WDFY2: variants seen among roughly 807,000 people sequenced by gnomAD.
The protein encoded by WDFY2 is WD repeat and FYVE domain containing 2, also known as WD repeat and FYVE domain-containing protein 2.
In WDFY2, 36 loss-of-function variants were observed where a neutral mutation model predicts 56.4. The observed-to-expected ratio is 0.64, with a 90% CI of 0.49 to 0.84. WDFY2 has a LOEUF of 0.84. Ranked by LOEUF, WDFY2 falls within the 40% of genes least tolerant of loss-of-function variation. The pLI is 0.00. For missense variants in WDFY2, 444 were observed against 512.2 expected (o/e 0.87, Z 1.29); for synonymous variants, 176 against 183.7 (o/e 0.96, Z 0.34).
chr13:51,766,447 G>A lies in WDFY2; in HGVS notation c.*6678G>A, dbSNP rs1478790818. The stretch of plus-strand genomic sequence containing the variant: ...TTTTTCTTTCTTTTTTTAAAGTGAG[G>A]AGATTCTTCAGGGGGTCAGGCTGAG... On this transcript the variant is annotated 3_prime_UTR_variant, in exon 12 of 12. Coordinates refer to ENST00000298125, the MANE Select transcript of WDFY2 (RefSeq NM_052950.4). 1 of 152,138 alleles carries A rather than the reference G, an allele frequency of 6.6e-6. No homozygotes were observed. Among genetic ancestry groups the A allele is most frequent in the Non-Finnish European group, 1.5e-5 (1 of 68,032 alleles). The allele number at this position is 152,138 out of a possible 1,614,324, so 9.4% of individuals were successfully genotyped here.
chr13:51,613,701 A>T (rs1954548331), intron 1 of WDFY2, among the ~76,000 whole-genome samples: 1 of 152,038 alleles, frequency 6.6e-6, no homozygotes, highest in African/African-American at 2.4e-5. Flanking sequence ...TTCGTGGAAA[A>T]GTCTTAGATG....
At chr13:51,722,824 G>A (rs1593450817) in intron 5 of WDFY2, among the ~76,000 whole-genome samples, 1 of 152,144 alleles carries the variant, frequency 6.6e-6, no homozygotes, top group Non-Finnish European at 1.5e-5. Context: ...ATAGAAATGT[G>A]TTCCTTCCCC....
At chr13:51,640,408 C>T (rs1955132975) in intron 1 of WDFY2, among the ~76,000 whole-genome samples, 1 of 152,184 alleles carries the variant, frequency 6.6e-6, no homozygotes. Context: ...CATGCATCTA[C>T]TCCTTCCACC....
At position 51,766,916 on chromosome 13, in the gene WDFY2, C is replaced by T. The variant is rs1326386353; in HGVS notation, c.*7147C>T. ...AGGGGGAGGTTCCAGACCACTCCAC[C>T]TGCTGTCTAGATGCCAGGGAGAGCT... On this transcript the variant is annotated 3_prime_UTR_variant, in exon 12 of 12. Transcript: ENST00000298125. 6.6e-6 allele frequency: 1 copy of T among 152,414 alleles called. No individual in the cohort carries two copies. The highest frequency in any genetic ancestry group is 6.5e-5 in the Admixed American group (1 of 15,278). 9.4% of individuals were successfully genotyped at this position (152,414 alleles called of 1,614,324 possible).
chr13:51,703,572 T>C (rs1277774453), intron 3 of WDFY2, 24 bp from the exon 4 acceptor site: 6 of 1,537,368 alleles, frequency 3.9e-6, no homozygotes, highest in Non-Finnish European at 5.3e-6. Flanking sequence ...TATTTTTGTT[T>C]AATAGTTTTC....
intron 5 of WDFY2, among the ~76,000 whole-genome samples, chr13:51,720,956 C>G (rs1220771331): frequency 6.6e-6 from 1 of 151,780 alleles, no homozygotes; most frequent in African/African-American, 2.4e-5. Flanking sequence ...CTCTCTCTCT[C>G]TCTCTCTCTC....
At chr13:51,661,490 T>C (rs906374243) in intron 2 of WDFY2, among the ~76,000 whole-genome samples, 7 of 152,218 alleles carry the variant, frequency 4.6e-5, no homozygotes, top group Non-Finnish European at 1.0e-4. Context: ...GTCCTATACC[T>C]TCTGGCTTGC....
chr13:51,664,054 G>A (rs1194385219), intron 2 of WDFY2, among the ~76,000 whole-genome samples: 1 of 152,156 alleles, frequency 6.6e-6, no homozygotes, highest in Non-Finnish European at 1.5e-5. Context: ...TTTAATGAAA[G>A]GAAGAAAGTG....
intron 3 of WDFY2, among the ~76,000 whole-genome samples, chr13:51,691,780 C>T (rs1397609210): frequency 1.3e-5 from 2 of 151,904 alleles, no homozygotes; most frequent in Non-Finnish European, 2.9e-5. Flanking sequence ...CTATAAATTA[C>T]CTTGGGCAGT....
At position 51,766,476 on chromosome 13, in the gene WDFY2, G is replaced by GTAAT. The variant is rs1953754186; in HGVS notation, c.*6708_*6711dup. The GTAAT allele has an allele frequency of 6.6e-6, 1 of 152,198 alleles. No individual in the cohort carries two copies. Among genetic ancestry groups the GTAAT allele is most frequent in the Non-Finnish European group, 1.5e-5 (1 of 68,050 alleles). The allele number at this position is 152,198 out of a possible 1,614,324, so 9.4% of individuals were successfully genotyped here. ...TTCTTCAGGGGGTCAGGCTGAGAAT[G>GTAAT]TAATAAGCCTGACATTGGAACAGAT... On this transcript the variant is annotated 3_prime_UTR_variant, in exon 12 of 12. Transcript: ENST00000298125.
chr13:51,696,973 A>T (rs1951889940), intron 3 of WDFY2, among the ~76,000 whole-genome samples: 1 of 152,226 alleles, frequency 6.6e-6, no homozygotes, highest in African/African-American at 2.4e-5. Flanking sequence ...ATGCAAATAG[A>T]TAAGAAAAAC....
chr13:51,694,997 T>G (rs1951833957), intron 3 of WDFY2, among the ~76,000 whole-genome samples: 1 of 152,250 alleles, frequency 6.6e-6, no homozygotes, highest in African/African-American at 2.4e-5. Context: ...TTCTGCATTC[T>G]TCACGTAGTT....
At chr13:51,688,090 G>A (rs1044502323) in intron 3 of WDFY2, among the ~76,000 whole-genome samples, 14 of 152,110 alleles carry the variant, frequency 9.2e-5, no homozygotes, top group Non-Finnish European at 1.9e-4. Flanking sequence ...GGGAGAAGGG[G>A]TAGTTGGCAA....
chr13:51,653,849 G>C (rs1485804324), intron 1 of WDFY2, among the ~76,000 whole-genome samples: 1 of 152,194 alleles, frequency 6.6e-6, no homozygotes, highest in Non-Finnish European at 1.5e-5. Context: ...GCTACTTGGG[G>C]GTCAGGGACC....
intron 4 of WDFY2, among the ~76,000 whole-genome samples, chr13:51,712,110 T>C (rs763758034): frequency 9.2e-5 from 14 of 152,198 alleles, no homozygotes; most frequent in Non-Finnish European, 1.9e-4. Context: ...TGGAATACTA[T>C]GCAGCCATAA....
At chr13:51,738,284 G>A (rs1952887104) in intron 6 of WDFY2, among the ~76,000 whole-genome samples, 1 of 152,112 alleles carries the variant, frequency 6.6e-6, no homozygotes, top group African/African-American at 2.4e-5. Flanking sequence ...TTTACAAAGG[G>A]ACTACCATAG....
In WDFY2 at chr13:51,584,598, G is replaced by T; in HGVS notation, c.-90G>T. On this transcript the variant is annotated 5_prime_UTR_variant, in exon 1 of 12. Transcript: ENST00000298125. The stretch of plus-strand genomic sequence containing the variant: ...TCCGCTCCGGCCAGCCAGAGTCTCT[G>T]TCTCAACCTGTGTCCGTGCTCCAGC... 1 of 1,487,758 alleles carries T rather than the reference G, an allele frequency of 6.7e-7. No homozygotes were observed. The highest frequency in any genetic ancestry group is 8.9e-7 in the Non-Finnish European group (1 of 1,121,390). 92.2% of individuals were successfully genotyped at this position (1,487,758 alleles called of 1,614,324 possible).
In WDFY2 at chr13:51,703,618, A is replaced by G. The variant is rs772146738; in HGVS notation, c.302A>G (p.Tyr101Cys). ...TISEFILSED[Y>C]NKMTPVKNYQ... ...CAGGAGTTTATATTGTCAGAAGATT[A>G]TAACAAGATGACTCCTGTGAAAAAC... The change falls in exon 4 of 12, where the codon TAT (tyrosine) becomes TGT (cysteine). Residue 101 changes from tyrosine to cysteine, a missense_variant. By Grantham distance (194) the Tyr-to-Cys change is radical. Coordinates refer to ENST00000298125, the MANE Select transcript of WDFY2 (RefSeq NM_052950.4). The G allele has an allele frequency of 4.3e-6, 7 of 1,609,732 alleles. No homozygotes were observed. The African/African-American group carries it at 6.7e-5, about 15-fold the overall frequency.
intron 4 of WDFY2, among the ~76,000 whole-genome samples, chr13:51,708,922 G>T (rs2138598056): frequency 6.6e-6 from 1 of 152,254 alleles, no homozygotes; most frequent in Admixed American, 6.5e-5. Context: ...GATAAAGAAG[G>T]TATCATGAGG....
Sources: allele counts gnomAD v4.1 joint callset (sites outside exome capture counted in the v4.1 genomes callset), GRCh38; gene constraint gnomAD v4.1.1; transcripts MANE v1.5; gene names NCBI Gene and HGNC (gene_info 2026-07-23, HGNC 2026-07-21).